Variants in KCNB2 observed in about 807,000 individuals in gnomAD.
KCNB2 encodes the protein delayed rectifier potassium channel protein.
KCNB2 carries 15 observed loss-of-function variants against 61.5 expected under a neutral mutation model. That is an observed-to-expected ratio of 0.24 (90% CI 0.16 to 0.38). The LOEUF is 0.38. Ranked by LOEUF, KCNB2 falls within the 10% of genes least tolerant of loss-of-function variation. The pLI is 1.00. For synonymous variants in KCNB2, 457 were observed against 446.0 expected, an observed-to-expected ratio of 1.02 and a Z score of -0.31; for missense variants, 828 against 1,125.2, an observed-to-expected ratio of 0.74 and a Z score of 3.78.
At chr8:72,588,218 CT>C (rs34803136) in intron 2 of KCNB2, among the ~76,000 whole-genome samples, 6,426 of 132,784 alleles carry the variant, frequency 0.048, 173 homozygotes, top group African/African-American at 0.097. Flanking sequence ...GGTTTCTTTT[CT>C]TTTTTTTTTT....
chr8:72,931,474 T>A (rs1277029281), intron 2 of KCNB2, among the ~76,000 whole-genome samples: 1 of 152,188 alleles, frequency 6.6e-6, no homozygotes, highest in Non-Finnish European at 1.5e-5. Flanking sequence ...TTTATTTTAT[T>A]GAGCAGTGGT....
chr8:72,781,994 T>A (rs986994626), intron 2 of KCNB2, among the ~76,000 whole-genome samples: 9 of 152,082 alleles, frequency 5.9e-5, no homozygotes, highest in Non-Finnish European at 1.0e-4. Context: ...AGGATAAATA[T>A]CTAATCCATG....
chr8:72,838,087 G>C (rs1809814070), intron 2 of KCNB2, among the ~76,000 whole-genome samples: 1 of 152,070 alleles, frequency 6.6e-6, no homozygotes, highest in African/African-American at 2.4e-5. Context: ...GTATTTTAGA[G>C]TAAATTCTAT....
At chr8:72,872,325 C>G (rs1002533655) in intron 2 of KCNB2, among the ~76,000 whole-genome samples, 6 of 152,216 alleles carry the variant, frequency 3.9e-5, no homozygotes, top group African/African-American at 1.4e-4. Flanking sequence ...GCAAATAGCT[C>G]TGTCAGAAAA....
At chr8:72,647,223 C>A (rs530923055) in intron 2 of KCNB2, among the ~76,000 whole-genome samples, 1 of 152,238 alleles carries the variant, frequency 6.6e-6, no homozygotes, top group East Asian at 1.9e-4. Flanking sequence ...CTCATCCCAG[C>A]TCTGGCACTC....
chr8:72,767,546 A>G (rs77784541), intron 2 of KCNB2, among the ~76,000 whole-genome samples: 1 of 67,522 alleles, frequency 1.5e-5, no homozygotes, highest in Non-Finnish European at 3.3e-5. Flanking sequence ...ATATTATAAC[A>G]TGTGTCACTA....
chr8:72,799,919 G>T (rs1462444423), intron 2 of KCNB2, among the ~76,000 whole-genome samples: 1 of 152,134 alleles, frequency 6.6e-6, no homozygotes, highest in Non-Finnish European at 1.5e-5. Context: ...ACCTGTTGGG[G>T]TGCTTTCTGG....
At chr8:72,667,153 C>A (rs1431805441) in intron 2 of KCNB2, among the ~76,000 whole-genome samples, 1 of 152,138 alleles carries the variant, frequency 6.6e-6, no homozygotes, top group Non-Finnish European at 1.5e-5. Flanking sequence ...AAGCACCTGG[C>A]AGAGTCTTTG....
At chr8:72,789,152 A>G (rs1480587945) in intron 2 of KCNB2, among the ~76,000 whole-genome samples, 1 of 152,234 alleles carries the variant, frequency 6.6e-6, no homozygotes, top group African/African-American at 2.4e-5. Flanking sequence ...TGAAAATGTA[A>G]TAATAGCTAT....
intron 2 of KCNB2, among the ~76,000 whole-genome samples, chr8:72,756,084 A>G (rs142951375): frequency 9.9e-5 from 15 of 152,260 alleles, no homozygotes; most frequent in South Asian, 2.1e-4. Context: ...TATAAGCCTC[A>G]TGTGCCAAGA....
chr8:72,610,735 A>G (rs1307896244), intron 2 of KCNB2, among the ~76,000 whole-genome samples: 1 of 152,190 alleles, frequency 6.6e-6, no homozygotes, highest in East Asian at 1.9e-4. Flanking sequence ...TAAAAACTGA[A>G]TCATTCTAAA....
chr8:72,651,322 G>T (rs1292998143), intron 2 of KCNB2, among the ~76,000 whole-genome samples: 1 of 152,086 alleles, frequency 6.6e-6, no homozygotes, highest in Admixed American at 6.6e-5. Context: ...TGAGGGCCTA[G>T]GGAGGCTATT....
At chr8:72,625,529 CG>C (rs1291492819) in intron 2 of KCNB2, among the ~76,000 whole-genome samples, 1 of 152,128 alleles carries the variant, frequency 6.6e-6, no homozygotes, top group Non-Finnish European at 1.5e-5. Context: ...CTCCTGGGCT[CG>C]GGTGATCCTC....
chr8:72,786,406 T>C (rs1808846846), intron 2 of KCNB2, among the ~76,000 whole-genome samples: 1 of 152,176 alleles, frequency 6.6e-6, no homozygotes, highest in Non-Finnish European at 1.5e-5. Flanking sequence ...TTTAAGAATC[T>C]ACCCAATGCT....
At chr8:72,870,300 T>C (rs1805595133) in intron 2 of KCNB2, among the ~76,000 whole-genome samples, 2 of 152,294 alleles carry the variant, frequency 1.3e-5, no homozygotes, top group South Asian at 4.1e-4. Flanking sequence ...CAATACTGTA[T>C]TGTGCACTTA....
intron 2 of KCNB2, among the ~76,000 whole-genome samples, chr8:72,807,988 G>A (rs1322632428): frequency 6.6e-6 from 1 of 152,180 alleles, no homozygotes; most frequent in Non-Finnish European, 1.5e-5. Context: ...GAAAAGAGCT[G>A]AAATATTGCC....
chr8:72,607,436 C>G (rs1172773927), intron 2 of KCNB2, among the ~76,000 whole-genome samples: 1 of 152,184 alleles, frequency 6.6e-6, no homozygotes, highest in Non-Finnish European at 1.5e-5. Context: ...AATGTATTTA[C>G]TGGAGACTGA....
At chr8:72,562,472 A>G (rs2128978458) in intron 1 of KCNB2, among the ~76,000 whole-genome samples, 1 of 152,282 alleles carries the variant, frequency 6.6e-6, no homozygotes, top group East Asian at 1.9e-4. Context: ...TCTCTAGAAG[A>G]CTAATGAAGG....
At chr8:72,890,026 C>A (rs753020343) in intron 2 of KCNB2, among the ~76,000 whole-genome samples, 1 of 152,086 alleles carries the variant, frequency 6.6e-6, no homozygotes, top group South Asian at 2.1e-4. Flanking sequence ...GGATTACAGG[C>A]GTGAGCCAAC....
Sources: gnomAD v4.1 joint callset for allele counts (sites outside exome capture counted in the v4.1 genomes callset) on GRCh38, gnomAD v4.1.1 for gene constraint, MANE v1.5 for transcripts, NCBI Gene and HGNC (gene_info 2026-07-23, HGNC 2026-07-21) for gene names.